PDE9A: variants seen among roughly 807,000 people sequenced by gnomAD.
The protein encoded by PDE9A is high affinity cGMP-specific 3',5'-cyclic phosphodiesterase 9A.
In PDE9A, 60 loss-of-function variants were observed where a neutral mutation model predicts 87.4. The ratio of observed to expected loss-of-function variants is 0.69; its 90% confidence interval spans 0.56 to 0.85. The LOEUF is 0.85. Among genes scored for constraint, PDE9A ranks in the 40% least tolerant of loss-of-function variants. The pLI, the probability that PDE9A is intolerant of heterozygous loss-of-function variation, is 0.00. For synonymous variants in PDE9A, 272 were observed against 279.4 expected (o/e 0.97, Z 0.27); for missense variants, 665 against 779.0 (o/e 0.85, Z 1.74).
chr21:42,726,406 T>G (rs189119210), intron 4 of PDE9A, among the ~76,000 whole-genome samples: 70 of 151,562 alleles, frequency 4.6e-4, no homozygotes, highest in Non-Finnish European at 9.3e-4. Flanking sequence ...CCCTGAAGAT[T>G]TCTCCTATCT....
chr21:42,678,306 T>C (rs1417281186), intron 1 of PDE9A, among the ~76,000 whole-genome samples: 2 of 152,348 alleles, frequency 1.3e-5, no homozygotes, highest in Non-Finnish European at 2.9e-5. Context: ...TCAGCAGCCA[T>C]TGCCAGCCAC....
At chr21:42,658,748 T>TTA (rs1278903593) in intron 1 of PDE9A, among the ~76,000 whole-genome samples, 2 of 152,172 alleles carry the variant, frequency 1.3e-5, no homozygotes, top group Non-Finnish European at 2.9e-5. Context: ...TTCCAGCCTA[T>TTA]CATCTGTCTG....
intron 4 of PDE9A, among the ~76,000 whole-genome samples, chr21:42,712,129 G>T (rs897696783): frequency 6.6e-6 from 1 of 151,906 alleles, no homozygotes; most frequent in Non-Finnish European, 1.5e-5. Context: ...TTTGGGGAGG[G>T]TAGTGTCTTA....
At chr21:42,716,452 C>G (rs933659861) in intron 4 of PDE9A, among the ~76,000 whole-genome samples, 3 of 151,640 alleles carry the variant, frequency 2.0e-5, no homozygotes, top group Non-Finnish European at 4.4e-5. Context: ...GTATCTTCTT[C>G]TTGTTTTATT....
At chr21:42,774,549 T>C (rs772517981) in intron 19 of PDE9A, among the ~76,000 whole-genome samples, 3 of 152,204 alleles carry the variant, frequency 2.0e-5, no homozygotes, top group Non-Finnish European at 2.9e-5. Flanking sequence ...TGTCTAAATG[T>C]GTTCAGCAAT....
chr21:42,679,346 G>A (rs3819896), intron 1 of PDE9A, among the ~76,000 whole-genome samples: 6,111 of 134,754 alleles, frequency 0.045, 166 homozygotes, highest in South Asian at 0.098. Flanking sequence ...CCTCCCTCCC[G>A]CCCAGCTCAC....
Position 42,695,603 on chromosome 21 carries a change from G to A in PDE9A, c.219-3365G>A, listed in dbSNP as rs1224416312. ...CACCGGCTGAGCTCTGTGCATGCAG[G>A]GCCAGTATTCTCGGCCATTCTGGCT... On this transcript the variant is annotated intron_variant, in intron 3 of 19. Transcript: ENST00000291539. This position sits in a 1 kb window ranked among gnomAD's most constrained non-coding sequence, Gnocchi z 4.3. Among the ~76,000 whole-genome samples the A allele has an allele frequency of 1.3e-5, 2 of 152,140 alleles. No homozygotes were observed. The highest frequency in any genetic ancestry group is 2.9e-5 in the Non-Finnish European group (2 of 68,042).
At chr21:42,743,241 T>G (rs2053499877) in intron 7 of PDE9A, among the ~76,000 whole-genome samples, 1 of 152,238 alleles carries the variant, frequency 6.6e-6, no homozygotes, top group South Asian at 2.1e-4. Flanking sequence ...GCCTATTTAT[T>G]TCTCTTCTGT....
At chr21:42,771,394 G>A (rs1320551281) in intron 18 of PDE9A, among the ~76,000 whole-genome samples, 2 of 152,200 alleles carry the variant, frequency 1.3e-5, no homozygotes, top group African/African-American at 2.4e-5. Context: ...GATTCCCCAC[G>A]GCTGTCTGCT....
Position 42,749,427 on chromosome 21 carries a change from A to T in PDE9A, c.654-1689A>T, listed in dbSNP as rs1166826046. Among the ~76,000 whole-genome samples the T allele has an allele frequency of 2.0e-5, 3 of 152,008 alleles. No homozygotes were observed. In the East Asian group the frequency reaches 5.8e-4, roughly 29 times the overall value. ...CCAGATCGGCCCAGCCCCCTGGTGCACTCTGCTGCAGGGGCCCAAGAGCAG... is the reference window on the plus strand; with the variant it reads ...CCAGATCGGCCCAGCCCCCTGGTGCTCTCTGCTGCAGGGGCCCAAGAGCAG... On this transcript the variant is annotated intron_variant, in intron 8 of 19. Coordinates refer to ENST00000291539, the MANE Select transcript of PDE9A (RefSeq NM_002606.3).
chr21:42,707,407 C>G (rs181404368), intron 4 of PDE9A, among the ~76,000 whole-genome samples: 2 of 152,284 alleles, frequency 1.3e-5, no homozygotes, highest in East Asian at 3.9e-4. Context: ...CGAGGTCAGT[C>G]CTCCCCAGTG....
At chr21:42,728,028 T>C (rs58654672) in intron 4 of PDE9A, among the ~76,000 whole-genome samples, 16,848 of 152,242 alleles carry the variant, frequency 0.11, 1,165 homozygotes, top group East Asian at 0.33. Context: ...TGTATCTGTG[T>C]GTTCCATATC....
intron 7 of PDE9A, among the ~76,000 whole-genome samples, chr21:42,737,654 C>A (rs749224105): frequency 4.6e-5 from 7 of 152,116 alleles, no homozygotes; most frequent in African/African-American, 1.7e-4. Context: ...GATGGGGTTC[C>A]GCCATGTTGG....
At chr21:42,749,027 G>A (rs13048977) in intron 8 of PDE9A, among the ~76,000 whole-genome samples, 99,745 of 151,982 alleles carry the variant, frequency 0.66, 33,048 homozygotes, top group East Asian at 0.86. Context: ...ACCGCTTCCC[G>A]TCTTGGGACA....
chr21:42,758,687 C>A, intron 10 of PDE9A: 1 of 337,324 alleles, frequency 3.0e-6, no homozygotes. Context: ...ACTCTCTCAC[C>A]CGGTCGCTGT....
intron 4 of PDE9A, among the ~76,000 whole-genome samples, chr21:42,709,437 C>T (rs1359398039): frequency 6.6e-6 from 1 of 152,170 alleles, no homozygotes; most frequent in Non-Finnish European, 1.5e-5. Flanking sequence ...ATGTCCTGCA[C>T]ATGTATCCCA....
chr21:42,744,258 C>T (rs774773072), intron 8 of PDE9A, among the ~76,000 whole-genome samples: 2 of 152,032 alleles, frequency 1.3e-5, no homozygotes, highest in Non-Finnish European at 2.9e-5. Flanking sequence ...GAAGCTGAGG[C>T]GGGAGAATCG....
Position 42,692,498 on chromosome 21 carries a change from C to G in PDE9A, c.218+4504C>G, listed in dbSNP as rs1186962372. Among the ~76,000 whole-genome samples, 1 of 152,182 alleles carries G rather than the reference C, an allele frequency of 6.6e-6. No homozygotes were observed. The highest frequency in any genetic ancestry group is 1.5e-5 in the Non-Finnish European group (1 of 68,024). Reference sequence around the variant, plus strand: ...TCTCACCCTCCCCCAATCTTCCAACCTAGTAGTTCTCAGACAACTGCGTCA... The same window carrying G: ...TCTCACCCTCCCCCAATCTTCCAACGTAGTAGTTCTCAGACAACTGCGTCA... On this transcript the variant is annotated intron_variant, in intron 3 of 19. Transcript: ENST00000291539. The surrounding 1 kb of genome is among the most constrained non-coding windows in gnomAD (Gnocchi z 4.3).
At chr21:42,719,076 C>CT (rs1398282695) in intron 4 of PDE9A, among the ~76,000 whole-genome samples, 3 of 151,760 alleles carry the variant, frequency 2.0e-5, no homozygotes, top group Non-Finnish European at 4.4e-5. Flanking sequence ...AAACTCCAAA[C>CT]TTTGTCTCCT....
Sources: allele counts gnomAD v4.1 joint callset (sites outside exome capture counted in the v4.1 genomes callset), GRCh38; gene constraint gnomAD v4.1.1; non-coding constraint Gnocchi (gnomAD v3.1); transcripts MANE v1.5; gene names NCBI Gene and HGNC (gene_info 2026-07-23, HGNC 2026-07-21).